The following COQ4 variants were observed in gnomAD, a reference collection of about 807,000 sequenced individuals.
COQ4 encodes ubiquinone biosynthesis protein COQ4 homolog, mitochondrial.
A neutral mutation model predicts 30.2 loss-of-function variants in COQ4; 36 were observed. The ratio of observed to expected loss-of-function variants is 1.19; its 90% CI spans 0.91 to 1.57. The LOEUF (loss-of-function observed/expected upper bound fraction) is 1.57, where lower values mean the gene tolerates loss of function less well. Ranked by LOEUF, COQ4 falls within the 40% of genes most tolerant of loss-of-function variation. The pLI, the probability that COQ4 is intolerant of heterozygous loss-of-function variation, is 0.00. For synonymous variants in COQ4, 197 were observed against 161.0 expected, an observed-to-expected ratio of 1.22 and a Z score of -1.69; for missense variants, 369 against 371.9, an observed-to-expected ratio of 0.99 and a Z score of 0.07.
chr9:128,332,221 G>A lies in COQ4; in HGVS notation c.471G>A (p.Gln157=). 2 of 1,612,718 alleles carry A rather than the reference G, an allele frequency of 1.2e-6. No homozygotes were observed. Among genetic ancestry groups the A allele is most frequent in the Non-Finnish European group, 8.5e-7 (1 of 1,179,534 alleles). Residue 157 remains glutamine, a synonymous_variant, in exon 5 of 7, where the codon CAG becomes CAA. Transcript: ENST00000300452. ...ATGAGGAGCTAGCGTATGTGATTCA[G>A]CGGTACCGGGAGGTGCACGACATGC... ...VDDEELAYVI[Q]RYREVHDMLH... is the part of the protein sequence containing the mutation.
Position 128,326,318 on chromosome 9 carries a change from T to G in COQ4, c.402+437T>G, listed in dbSNP as rs146610111. On this transcript the variant is annotated intron_variant, in intron 4 of 6. Transcript: ENST00000300452. ...CTGTATCCCTTTATTCCAGGGACAT[T>G]GCTTTCCCTACGGTATGGCAGGTGT... is the stretch of plus-strand genomic sequence containing the variant. 10 of 196,546 alleles carry G rather than the reference T, an allele frequency of 5.1e-5. No individual in the cohort carries two copies. In the East Asian group the frequency reaches 1.4e-3, roughly 27 times the overall value. The allele number at this position is 196,546 out of a possible 1,614,324, so 12.2% of individuals were successfully genotyped here.
chr9:128,327,050 A>G (rs186338382), intron 4 of COQ4, among the ~76,000 whole-genome samples: 3 of 152,088 alleles, frequency 2.0e-5, no homozygotes, highest in Non-Finnish European at 4.4e-5. Context: ...GCCCAGCCCA[A>G]CCATTGTTTT....
In COQ4 at chr9:128,325,765, G is replaced by A. The variant is rs1344590051; in HGVS notation, c.300-14G>A. On this transcript the variant is annotated splice_polypyrimidine_tract_variant and intron_variant, in intron 3 of 6. Transcript: ENST00000300452. ...TTGCCCACACCCTCCCAATGCCCAA[G>A]TCTTGCCTTTCAGGGAGCGTCCCCG... 1 of 1,611,206 alleles carries A rather than the reference G, an allele frequency of 6.2e-7. No homozygotes were observed. The highest frequency in any genetic ancestry group is 1.7e-5 in the Admixed American group (1 of 59,942).
chr9:128,327,582 T>C (rs1277812052), intron 4 of COQ4, among the ~76,000 whole-genome samples: 4 of 151,994 alleles, frequency 2.6e-5, no homozygotes, highest in Non-Finnish European at 1.5e-5. Context: ...GGCGGATCAC[T>C]TGAGCCCAGG....
At chr9:128,330,909 C>G (rs184731898) in intron 4 of COQ4, 1 of 151,214 alleles carries the variant, frequency 6.6e-6, no homozygotes, top group East Asian at 1.9e-4. Context: ...GCGATCTCGG[C>G]TCGCTGCAAG....
chr9:128,333,028 A>G (rs1246317954), intron 6 of COQ4, 85 bp downstream of exon 6: 1 of 979,314 alleles, frequency 1.0e-6, no homozygotes, highest in Non-Finnish European at 1.6e-6. Context: ...AGAAGTAGGA[A>G]GAGCACACGG....
intron 4 of COQ4, chr9:128,331,704 C>T (rs951131889): frequency 6.5e-6 from 1 of 154,922 alleles, no homozygotes; most frequent in African/African-American, 2.4e-5. Context: ...ACCACCACAC[C>T]TGACTAATTT....
At chr9:128,330,901 G>C (rs902103848) in intron 4 of COQ4, 3 of 149,254 alleles carry the variant, frequency 2.0e-5, no homozygotes, top group Admixed American at 6.7e-5. Flanking sequence ...GCAGTGGCGC[G>C]ATCTCGGCTC....
chr9:128,326,667 T>C (rs1255438327), intron 4 of COQ4, among the ~76,000 whole-genome samples: 2 of 151,918 alleles, frequency 1.3e-5, no homozygotes, highest in Admixed American at 6.6e-5. Context: ...ATGGTCTCGA[T>C]CTCCTGACCA....
intron 2 of COQ4, among the ~76,000 whole-genome samples, chr9:128,324,249 G>C (rs1166124338): frequency 1.3e-5 from 2 of 151,862 alleles, no homozygotes; most frequent in Non-Finnish European, 2.9e-5. Context: ...AAAGTGTTGG[G>C]ATTACAGGCA....
At chr9:128,333,065 C>A in intron 6 of COQ4, 122 bp downstream of exon 6, 1 of 751,058 alleles carries the variant, frequency 1.3e-6, no homozygotes, top group East Asian at 2.6e-5. Flanking sequence ...TTCCAGTTCT[C>A]CAGGAAGTAA....
chr9:128,333,797 T>G lies in COQ4; in HGVS notation c.*152T>G. 3 of 697,146 alleles carry G rather than the reference T, an allele frequency of 4.3e-6. No homozygotes were observed. The highest frequency in any genetic ancestry group is 6.5e-6 in the Non-Finnish European group (3 of 462,836). 43.2% of individuals were successfully genotyped at this position (697,146 alleles called of 1,614,324 possible). A position where few individuals can be genotyped will look rare whatever the true frequency, so the allele number is the denominator to read the frequency against. On this transcript the variant is annotated 3_prime_UTR_variant, in exon 7 of 7. Coordinates refer to ENST00000300452, the MANE Select transcript of COQ4 (RefSeq NM_016035.5). ...TTGTCATAACCACTGCTGAGTGGCC[T>G]TGAGGACGAACCCCGCAGGGAGCAA...
In COQ4 at chr9:128,332,287, G is replaced by T. The variant is rs376230553; in HGVS notation, c.532+5G>T. The T allele has an allele frequency of 2.5e-6, 4 of 1,611,828 alleles. No homozygotes were observed. The African/African-American group carries it at 5.3e-5, about 22-fold the overall frequency. On this transcript the variant is annotated splice_donor_5th_base_variant and intron_variant, in intron 5 of 6. Transcript: ENST00000300452. The stretch of plus-strand genomic sequence containing the variant: ...GGATGCCCACCAACATCCTGGGTGA[G>T]TGCCCCCAACCCTGATGGCCTGTCT...
At position 128,323,147 on chromosome 9, in the gene COQ4, G is replaced by C. The variant is rs758522459; in HGVS notation, c.202G>C (p.Asp68His). 9.6e-5 allele frequency: 153 copies of C among 1,585,686 alleles called. No homozygotes were observed. The highest frequency in any genetic ancestry group is 1.3e-4 in the Admixed American group (7 of 54,416). ...AMALYNPYRH[D>H]MVAVLGETTG... is the part of the protein sequence containing the mutation. ...GGCGCTCTATAACCCCTACCGCCAC[G>C]GTAAGGCCGCCCGCGCCTCGCCCCC... The change falls in exon 2 of 7, where the codon GAC (aspartate) becomes CAC (histidine). Residue 68 changes from aspartate to histidine, a missense_variant and splice_region_variant. By Grantham distance (81) the Asp-to-His change is moderately conservative. Coordinates refer to ENST00000300452, the MANE Select transcript of COQ4 (RefSeq NM_016035.5).
At chr9:128,324,211 T>C (rs1437506007) in intron 2 of COQ4, among the ~76,000 whole-genome samples, 1 of 152,082 alleles carries the variant, frequency 6.6e-6, no homozygotes, top group African/African-American at 2.4e-5. Flanking sequence ...ACTCCTGACT[T>C]CAGGTGATCC....
intron 2 of COQ4, 52 bp downstream of exon 2, chr9:128,323,199 G>C (rs1359051879): frequency 2.0e-6 from 3 of 1,510,122 alleles, no homozygotes; most frequent in Admixed American, 4.8e-5. Context: ...GCCGTTTCCT[G>C]TGGGTAACTG....
chr9:128,333,394 G>C, intron 6 of COQ4, 80 bp from the exon 7 acceptor site: 2 of 1,316,590 alleles, frequency 1.5e-6, no homozygotes, highest in South Asian at 1.7e-5. Context: ...AGGATGAACT[G>C]AGAAAATGCA....
intron 5 of COQ4, 114 bp downstream of exon 5, chr9:128,332,396 C>A: frequency 8.6e-7 from 1 of 1,162,912 alleles, no homozygotes. Context: ...TCAATTTCTG[C>A]TTTACCTGAA....
rs368877538 is a variant in COQ4, at chr9:128,322,848, C to A, written c.-11C>A. On this transcript the variant is annotated 5_prime_UTR_variant, in exon 1 of 7. Coordinates refer to ENST00000300452, the MANE Select transcript of COQ4 (RefSeq NM_016035.5). Reference sequence around the variant, plus strand: ...TTCGTACCCGCCCATCCTCCGCGGACGCCCGCTGCCATGGCGACTCTGCTG... The same window carrying A: ...TTCGTACCCGCCCATCCTCCGCGGAAGCCCGCTGCCATGGCGACTCTGCTG... 103 of 1,542,546 alleles carry A rather than the reference C, an allele frequency of 6.7e-5. No homozygotes were observed. The East Asian group carries it at 8.0e-4, about 12-fold the overall frequency.
Sources: allele counts gnomAD v4.1 joint callset (sites outside exome capture counted in the v4.1 genomes callset), GRCh38; gene constraint gnomAD v4.1.1; transcripts MANE v1.5; gene names NCBI Gene and HGNC (gene_info 2026-07-23, HGNC 2026-07-21).